The following CSMD2 variants were observed in gnomAD, a reference collection of about 807,000 sequenced individuals.
The protein encoded by CSMD2 is CUB and Sushi multiple domains 2, also known as CUB and sushi domain-containing protein 2.
CSMD2 carries 130 observed loss-of-function variants against 398.5 expected under a neutral mutation model. The ratio of observed to expected loss-of-function variants is 0.33; its 90% CI spans 0.28 to 0.38. The LOEUF (loss-of-function observed/expected upper bound fraction) is 0.38. Ranked by LOEUF, CSMD2 falls within the 10% of genes least tolerant of loss-of-function variation. The probability of loss-of-function intolerance (pLI) is 1.00; values close to 1 mark genes in which losing one functional copy is unlikely to be tolerated. For synonymous variants in CSMD2, 1,828 were observed against 1,908.5 expected, an observed-to-expected ratio of 0.96 and a Z score of 1.10; for missense variants, 3,829 against 4,764.9, an observed-to-expected ratio of 0.80 and a Z score of 5.78.
At chr1:34,106,699 G>A (rs770622992) in intron 1 of CSMD2, among the ~76,000 whole-genome samples, 9 of 152,140 alleles carry the variant, frequency 5.9e-5, no homozygotes, top group East Asian at 1.9e-4. Flanking sequence ...GATACAAAAC[G>A]GGTCTCCTTT....
intron 4 of CSMD2, among the ~76,000 whole-genome samples, chr1:33,920,542 CAA>C (rs58865984): frequency 1.2e-3 from 101 of 84,240 alleles, no homozygotes; most frequent in Middle Eastern, 9.3e-3. Flanking sequence ...CAATCTGTCT[CAA>C]AAAAAAAAAA....
chr1:34,055,338 T>C (rs1207994353), intron 2 of CSMD2, among the ~76,000 whole-genome samples: 1 of 152,204 alleles, frequency 6.6e-6, no homozygotes, highest in African/African-American at 2.4e-5. Flanking sequence ...GCAGGCTGGA[T>C]GTCCTCCAGT....
intron 29 of CSMD2, among the ~76,000 whole-genome samples, chr1:33,637,330 A>G (rs1211535405): frequency 2.6e-5 from 4 of 152,144 alleles, no homozygotes; most frequent in Admixed American, 2.6e-4. Context: ...TGAAAACCAC[A>G]GTATTTTTTT....
chr1:33,672,122 G>A (rs1446789530), intron 25 of CSMD2, among the ~76,000 whole-genome samples: 4 of 152,214 alleles, frequency 2.6e-5, no homozygotes, highest in African/African-American at 7.2e-5. Flanking sequence ...ACTGGGGAGT[G>A]CCGGACAGTG....
At chr1:34,080,782 G>A (rs1656978544) in intron 2 of CSMD2, among the ~76,000 whole-genome samples, 3 of 152,036 alleles carry the variant, frequency 2.0e-5, no homozygotes, top group Admixed American at 2.0e-4. Context: ...TTAGCCTAAG[G>A]AAAGTGAGAG....
intron 2 of CSMD2, among the ~76,000 whole-genome samples, chr1:34,057,624 G>A (rs539884125): frequency 3.9e-5 from 6 of 152,170 alleles, no homozygotes; most frequent in Admixed American, 1.3e-4. Context: ...CCTTGCCTCC[G>A]CCTCTTGGCC....
intron 3 of CSMD2, among the ~76,000 whole-genome samples, chr1:34,028,490 T>C (rs1181958818): frequency 6.6e-6 from 1 of 152,174 alleles, no homozygotes; most frequent in Non-Finnish European, 1.5e-5. Flanking sequence ...CCTCCATGGA[T>C]GACCCACACC....
intron 13 of CSMD2, among the ~76,000 whole-genome samples, chr1:33,759,945 C>G (rs1649602186): frequency 1.3e-5 from 2 of 152,196 alleles, no homozygotes; most frequent in African/African-American, 4.8e-5. Context: ...GCTTTTGCTT[C>G]AAGTTCCTCA....
chr1:33,997,352 C>T (rs890277739), intron 3 of CSMD2, among the ~76,000 whole-genome samples: 3 of 152,322 alleles, frequency 2.0e-5, no homozygotes, highest in East Asian at 1.9e-4. Flanking sequence ...CGGGTCCCTG[C>T]GGGTGCCTGC....
At chr1:33,787,781 T>C (rs1653712498) in intron 12 of CSMD2, among the ~76,000 whole-genome samples, 2 of 152,220 alleles carry the variant, frequency 1.3e-5, no homozygotes, top group African/African-American at 2.4e-5. Context: ...GGTTTGGAAG[T>C]GGTCAGAAGG....
chr1:33,600,151 G>C (rs189589282), intron 44 of CSMD2: 6 of 715,146 alleles, frequency 8.4e-6, no homozygotes, highest in Non-Finnish European at 1.6e-5. Flanking sequence ...GTGGGGAAGG[G>C]ACCTGTGCAA....
intron 12 of CSMD2, among the ~76,000 whole-genome samples, chr1:33,778,685 C>A (rs988174704): frequency 6.6e-6 from 1 of 152,200 alleles, no homozygotes; most frequent in African/African-American, 2.4e-5. Flanking sequence ...ATTGCCTGCC[C>A]CACGGCCCCT....
At chr1:33,718,725 G>A (rs1646256555) in intron 19 of CSMD2, among the ~76,000 whole-genome samples, 1 of 152,230 alleles carries the variant, frequency 6.6e-6, no homozygotes, top group African/African-American at 2.4e-5. Flanking sequence ...AATTTGAGAA[G>A]TACTTCTCTA....
intron 3 of CSMD2, among the ~76,000 whole-genome samples, chr1:33,959,291 C>T (rs1026548039): frequency 2.0e-5 from 3 of 152,172 alleles, no homozygotes; most frequent in Non-Finnish European, 4.4e-5. Context: ...CCTGAAACTC[C>T]GCAAAGGCAG....
rs1233873059 is a variant in CSMD2 at position 33,635,425 on chromosome 1, G to C, written c.4970-95C>G. The C allele has an allele frequency of 2.7e-6, 2 of 746,330 alleles. No individual in the cohort carries two copies. The highest frequency in any genetic ancestry group is 4.5e-6 in the Non-Finnish European group (2 of 444,296). 46.2% of individuals were successfully genotyped at this position (746,330 alleles called of 1,614,324 possible). A position where few individuals can be genotyped will look rare whatever the true frequency, so the allele number is the denominator to read the frequency against. On this transcript the variant is annotated intron_variant, in intron 30 of 70. Transcript: ENST00000373381. This position sits in a 1 kb window ranked among gnomAD's most constrained non-coding sequence, Gnocchi z 5.0. ...GCCCCAGCCTGAGCTTCTGGCCCCA[G>C]TAGGGCTGCCCTGAGGTGGGCAGGC...
chr1:33,626,565 C>T lies in CSMD2; in HGVS notation c.5217G>A (p.Leu1739=). ...TAATGAGAACTTGATTGGAGGTGGC[C>T]AAGGGCAGTGATTCTCCTGCCGAGA... The part of the protein sequence containing the change: ...SGSHTGESLP[L]ATSNQVLIKF... The change falls in exon 33 of 71, where the codon TTG becomes TTA. Residue 1739 remains leucine (L), a synonymous_variant. Transcript: ENST00000373381. 1 of 1,602,782 alleles carries T rather than the reference C, an allele frequency of 6.2e-7. No individual in the cohort carries two copies. The highest frequency in any genetic ancestry group is 8.5e-7 in the Non-Finnish European group (1 of 1,175,234).
chr1:34,103,908 TC>T (rs958670914), intron 1 of CSMD2, among the ~76,000 whole-genome samples: 12 of 152,360 alleles, frequency 7.9e-5, no homozygotes, highest in African/African-American at 2.9e-4. Context: ...AGCTTTGGGT[TC>T]AAATTTCAGA....
At chr1:34,035,417 G>A (rs573574840) in intron 2 of CSMD2, among the ~76,000 whole-genome samples, 152 of 152,100 alleles carry the variant, frequency 1.0e-3, no homozygotes, top group Middle Eastern at 3.4e-3. Context: ...GAAAAATGAA[G>A]ATCAATATTT....
chr1:34,135,242 TCA>T (rs66898227), intron 1 of CSMD2, among the ~76,000 whole-genome samples: 6,562 of 135,488 alleles, frequency 0.048, 175 homozygotes, highest in Middle Eastern at 0.083. Context: ...CATGTTGAAA[TCA>T]CACACACACA....
Sources: gnomAD v4.1 joint callset for allele counts (sites outside exome capture counted in the v4.1 genomes callset) on GRCh38, gnomAD v4.1.1 for gene constraint, Gnocchi (gnomAD v3.1) non-coding constraint, MANE v1.5 for transcripts, NCBI Gene and HGNC (gene_info 2026-07-23, HGNC 2026-07-21) for gene names.